FGF14: variants seen among roughly 807,000 people sequenced by gnomAD.
FGF14 encodes the protein fibroblast growth factor homologous factor 4.
FGF14 carries 5 observed loss-of-function variants against 25.5 expected under a neutral mutation model. The ratio of observed to expected loss-of-function variants is 0.20; its 90% CI spans 0.10 to 0.41. FGF14 has a LOEUF of 0.41. Among genes scored for constraint, FGF14 ranks in the 10% least tolerant of loss-of-function variants. FGF14 has a pLI of 1.00. For synonymous variants in FGF14, 138 were observed against 118.3 expected, an observed-to-expected ratio of 1.17 and a Z score of -1.08; for missense variants, 222 against 320.1, an observed-to-expected ratio of 0.69 and a Z score of 2.34.
intron 1 of FGF14, among the ~76,000 whole-genome samples, chr13:102,079,945 C>T (rs367550886): frequency 4.1e-4 from 62 of 152,214 alleles, no homozygotes; most frequent in African/African-American, 1.3e-3. Context: ...TGGTGCCTTG[C>T]CTGGCATGTA....
intron 3 of FGF14, among the ~76,000 whole-genome samples, chr13:101,844,605 G>A (rs932512218): frequency 6.6e-6 from 1 of 151,780 alleles, no homozygotes; most frequent in Non-Finnish European, 1.5e-5. Flanking sequence ...TATAATATAT[G>A]ATACTCTGGA....
chr13:101,733,591 C>CAA (rs553475621), intron 3 of FGF14, among the ~76,000 whole-genome samples: 24 of 97,300 alleles, frequency 2.5e-4, no homozygotes, highest in Admixed American at 3.5e-4. Context: ...AAGACTCCAT[C>CAA]AAAAAAAAAA....
chr13:101,883,567 G>T (rs1458015147), intron 1 of FGF14, among the ~76,000 whole-genome samples: 1 of 151,970 alleles, frequency 6.6e-6, no homozygotes, highest in East Asian at 1.9e-4. Flanking sequence ...AGCATGATGT[G>T]AGTCCTAAAA....
chr13:101,823,420 A>G (rs2042252077), intron 3 of FGF14, among the ~76,000 whole-genome samples: 1 of 149,416 alleles, frequency 6.7e-6, no homozygotes, highest in South Asian at 2.1e-4. Context: ...ATATATTCAT[A>G]TATACACATA....
chr13:102,048,400 C>A (rs1014384754), intron 1 of FGF14, among the ~76,000 whole-genome samples: 3 of 152,128 alleles, frequency 2.0e-5, no homozygotes, highest in Non-Finnish European at 2.9e-5. Flanking sequence ...GGTTAGTATA[C>A]GGTAACTATC....
intron 1 of FGF14, among the ~76,000 whole-genome samples, chr13:102,088,723 A>G (rs1443932945): frequency 6.6e-6 from 1 of 152,146 alleles, no homozygotes; most frequent in Admixed American, 6.5e-5. Flanking sequence ...TAATCTAATA[A>G]TTTTTCAAAT....
At chr13:102,272,330 T>C (rs2053289835) in intron 1 of FGF14, among the ~76,000 whole-genome samples, 1 of 152,232 alleles carries the variant, frequency 6.6e-6, no homozygotes, top group Non-Finnish European at 1.5e-5. Flanking sequence ...CATTTCACTC[T>C]ATGTTACTTC....
chr13:101,876,753 A>G (rs998630367), intron 1 of FGF14, among the ~76,000 whole-genome samples: 3 of 152,174 alleles, frequency 2.0e-5, no homozygotes, highest in Non-Finnish European at 1.5e-5. Context: ...CTTATTCTGT[A>G]GTATATAACT....
At chr13:101,912,000 CAG>C (rs1594700036) in intron 1 of FGF14, among the ~76,000 whole-genome samples, 2 of 138,170 alleles carry the variant, frequency 1.4e-5, no homozygotes, top group East Asian at 4.4e-4. Flanking sequence ...CGCACAAAAA[CAG>C]TGTTTTTTTT....
At chr13:102,241,240 T>G (rs2141028286) in intron 1 of FGF14, among the ~76,000 whole-genome samples, 1 of 152,220 alleles carries the variant, frequency 6.6e-6, no homozygotes, top group Middle Eastern at 3.4e-3. Flanking sequence ...CCTGGTGATT[T>G]TTTTCCCCTT....
chr13:102,031,056 T>C (rs997585457), intron 1 of FGF14, among the ~76,000 whole-genome samples: 1 of 152,092 alleles, frequency 6.6e-6, no homozygotes, highest in South Asian at 2.1e-4. Context: ...GCCTCCCATA[T>C]AGTTACATAA....
At chr13:102,139,770 TTTCAGCA>T (rs2046562566) in intron 1 of FGF14, among the ~76,000 whole-genome samples, 3 of 88,520 alleles carry the variant, frequency 3.4e-5, no homozygotes, top group East Asian at 7.4e-3. Flanking sequence ...CCCAAGAAGC[TTTCAGCA>T]GCTTTCAGCA....
chr13:102,076,491 T>C (rs1000275494), intron 1 of FGF14, among the ~76,000 whole-genome samples: 1 of 152,186 alleles, frequency 6.6e-6, no homozygotes, highest in African/African-American at 2.4e-5. Context: ...GATGAAATTG[T>C]GTAATGACAC....
At chr13:102,164,181 C>A (rs1394491733) in intron 1 of FGF14, among the ~76,000 whole-genome samples, 1 of 152,162 alleles carries the variant, frequency 6.6e-6, no homozygotes, top group South Asian at 2.1e-4. Context: ...AGGACACGAG[C>A]AAGAAATAAA....
At chr13:102,071,740 G>A (rs1166015288) in intron 1 of FGF14, among the ~76,000 whole-genome samples, 2 of 152,064 alleles carry the variant, frequency 1.3e-5, no homozygotes, top group Non-Finnish European at 2.9e-5. Flanking sequence ...CTCCATAGGA[G>A]ATACCTACTG....
chr13:101,733,695 C>T (rs1381189637), intron 3 of FGF14, among the ~76,000 whole-genome samples: 4 of 151,294 alleles, frequency 2.6e-5, no homozygotes, highest in East Asian at 3.9e-4. Context: ...AAAGGAGTCT[C>T]GACAGCAACT....
chr13:102,267,734 TG>T (rs2053058458), intron 1 of FGF14, among the ~76,000 whole-genome samples: 1 of 152,134 alleles, frequency 6.6e-6, no homozygotes, highest in Admixed American at 6.6e-5. Flanking sequence ...CAGAACCAAA[TG>T]TAAATGTTAT....
intron 1 of FGF14, among the ~76,000 whole-genome samples, chr13:101,895,276 G>T (rs1238482145): frequency 2.0e-5 from 3 of 152,020 alleles, no homozygotes; most frequent in Non-Finnish European, 4.4e-5. Context: ...GAAATCATTG[G>T]ATTTTCAACA....
At chr13:102,190,153 G>T (rs765425705) in intron 1 of FGF14, among the ~76,000 whole-genome samples, 1 of 152,076 alleles carries the variant, frequency 6.6e-6, no homozygotes, top group Non-Finnish European at 1.5e-5. Context: ...CAGAAAAAAA[G>T]AAACTTCCTC....
Sources: allele counts gnomAD v4.1 joint callset (sites outside exome capture counted in the v4.1 genomes callset), GRCh38; gene constraint gnomAD v4.1.1; transcripts MANE v1.5; gene names NCBI Gene and HGNC (gene_info 2026-07-23, HGNC 2026-07-21).